The following ACTR10 variants were observed in gnomAD, a reference collection of about 807,000 sequenced individuals.
ACTR10 encodes actin related protein 10.
In ACTR10, 43 loss-of-function variants were observed where a neutral mutation model predicts 56.2. The ratio of observed to expected loss-of-function variants is 0.77; its 90% CI spans 0.60 to 0.99. The LOEUF is 0.99. Ranked by LOEUF, ACTR10 falls within the 50% of genes least tolerant of loss-of-function variation. The pLI, the probability that ACTR10 is intolerant of heterozygous loss-of-function variation, is 0.00. For missense variants in ACTR10, 466 were observed against 507.8 expected, an observed-to-expected ratio of 0.92 and a Z score of 0.79; for synonymous variants, 170 against 176.3, an observed-to-expected ratio of 0.96 and a Z score of 0.28.
intron 8 of ACTR10, among the ~76,000 whole-genome samples, chr14:58,220,676 G>T (rs1357817430): frequency 6.6e-6 from 1 of 152,096 alleles, no homozygotes; most frequent in Admixed American, 6.6e-5. Context: ...TCTTCCATTA[G>T]TCAGGGAGAC....
At chr14:58,232,408 T>TTC (rs1555350974) in intron 12 of ACTR10, 141 bp downstream of exon 12, 1 of 311,624 alleles carries the variant, frequency 3.2e-6, no homozygotes, top group Non-Finnish European at 5.3e-6. Context: ...CTTTTTCTTT[T>TTC]TTTTTTTTTT....
intron 5 of ACTR10, 161 bp from the exon 6 acceptor site, chr14:58,213,469 GA>G (rs924362484): frequency 6.0e-4 from 281 of 468,690 alleles, no homozygotes; most frequent in Admixed American, 1.6e-3. Context: ...TGAAGAACAT[GA>G]AAAAAAACTT....
At chr14:58,205,886 G>A (rs900770144) in intron 2 of ACTR10, among the ~76,000 whole-genome samples, 2 of 151,922 alleles carry the variant, frequency 1.3e-5, no homozygotes, top group Non-Finnish European at 2.9e-5. Context: ...GCCAGGTGTA[G>A]TGGCAGGCAC....
intron 4 of ACTR10, among the ~76,000 whole-genome samples, chr14:58,210,446 T>C (rs2140047287): frequency 6.6e-6 from 1 of 152,202 alleles, no homozygotes; most frequent in East Asian, 1.9e-4. Context: ...CAGTGAGCTG[T>C]GATTGCACCA....
At chr14:58,214,377 A>G (rs1889078608) in intron 6 of ACTR10, among the ~76,000 whole-genome samples, 1 of 151,580 alleles carries the variant, frequency 6.6e-6, no homozygotes, top group African/African-American at 2.4e-5. Context: ...ATAGTATTCC[A>G]TTGTGTATAT....
intron 8 of ACTR10, among the ~76,000 whole-genome samples, chr14:58,222,751 T>G (rs1594811564): frequency 2.7e-5 from 3 of 112,668 alleles, no homozygotes; most frequent in African/African-American, 7.2e-5. Flanking sequence ...GGCAATAGAG[T>G]GAGACTCTGT....
At chr14:58,203,405 T>C (rs1187932588) in intron 2 of ACTR10, among the ~76,000 whole-genome samples, 4 of 151,700 alleles carry the variant, frequency 2.6e-5, no homozygotes, top group Admixed American at 2.0e-4. Context: ...TTTATCAAGG[T>C]CTAATTTTGC....
intron 2 of ACTR10, among the ~76,000 whole-genome samples, chr14:58,206,252 T>G (rs1888860323): frequency 6.6e-6 from 1 of 151,222 alleles, no homozygotes; most frequent in African/African-American, 2.4e-5. Context: ...CTCTGCTCAC[T>G]GCCACCTCCT....
chr14:58,219,490 A>G (rs1220969954), intron 7 of ACTR10: 1 of 389,578 alleles, frequency 2.6e-6, no homozygotes, highest in East Asian at 4.4e-5. Flanking sequence ...TTTTGCTTCA[A>G]TTTCCATGGT....
Position 58,202,478 on chromosome 14 carries a change from G to A in ACTR10, c.78-377G>A, listed in dbSNP as rs190939199. Among the ~76,000 whole-genome samples the A allele has an allele frequency of 1.1e-4, 17 of 151,856 alleles. No individual in the cohort carries two copies. In the East Asian group the frequency reaches 3.3e-3, roughly 29 times the overall value. Reference sequence around the variant, plus strand: ...CGGCACCTGTAGTCCCAGCTACTCAGGAGCCTGAGGCAGGAGAATGGCGTG... The same window carrying A: ...CGGCACCTGTAGTCCCAGCTACTCAAGAGCCTGAGGCAGGAGAATGGCGTG... On this transcript the variant is annotated intron_variant, in intron 1 of 12. Coordinates refer to ENST00000254286, the MANE Select transcript of ACTR10 (RefSeq NM_018477.3).
chr14:58,218,497 G>T (rs973935339), intron 7 of ACTR10, among the ~76,000 whole-genome samples: 1 of 151,604 alleles, frequency 6.6e-6, no homozygotes. Context: ...AGATAATAAA[G>T]GTAAAATAAT....
intron 11 of ACTR10, among the ~76,000 whole-genome samples, chr14:58,230,854 G>A (rs1255991823): frequency 2.0e-5 from 3 of 151,526 alleles, no homozygotes; most frequent in East Asian, 3.9e-4. Context: ...TCTGCCTCCC[G>A]GGTTCAAGTG....
chr14:58,205,595 G>A (rs1265303438), intron 2 of ACTR10, among the ~76,000 whole-genome samples: 1 of 152,142 alleles, frequency 6.6e-6, no homozygotes, highest in Non-Finnish European at 1.5e-5. Flanking sequence ...GGTTACAGGT[G>A]TGAGCCACTG....
chr14:58,234,670 G>A lies in ACTR10; in HGVS notation c.*119G>A. 1 of 885,292 alleles carries A rather than the reference G, an allele frequency of 1.1e-6. No individual in the cohort carries two copies. The highest frequency in any genetic ancestry group is 1.6e-6 in the Non-Finnish European group (1 of 616,640). The allele number at this position is 885,292 out of a possible 1,614,324, so 54.8% of individuals were successfully genotyped here. On this transcript the variant is annotated 3_prime_UTR_variant, in exon 13 of 13. Transcript: ENST00000254286. ...ACTATAGTGGAAGTGAAAGCATTCT[G>A]TGTTTACTCTTTGCATTAATATATA...
chr14:58,206,258 C>T (rs1888860518), intron 2 of ACTR10, among the ~76,000 whole-genome samples: 1 of 151,798 alleles, frequency 6.6e-6, no homozygotes, highest in Non-Finnish European at 1.5e-5. Context: ...TCACTGCCAC[C>T]TCCTCCTCTC....
At chr14:58,219,284 A>G (rs1889211356) in intron 7 of ACTR10, among the ~76,000 whole-genome samples, 1 of 152,192 alleles carries the variant, frequency 6.6e-6, no homozygotes, top group African/African-American at 2.4e-5. Flanking sequence ...TGAACTTTGA[A>G]TGAGCCTCTT....
At position 58,207,482 on chromosome 14, in the gene ACTR10, G is replaced by A. The variant is rs548456693; in HGVS notation, c.151-454G>A. On this transcript the variant is annotated intron_variant, in intron 2 of 12. Coordinates refer to ENST00000254286, the MANE Select transcript of ACTR10 (RefSeq NM_018477.3). ...TGGGACTATAGGCACACACCACCACGCCTGGCTAATTTTTGTATTTTAAGT... is the reference window on the plus strand; with the variant it reads ...TGGGACTATAGGCACACACCACCACACCTGGCTAATTTTTGTATTTTAAGT... Among the ~76,000 whole-genome samples the A allele has an allele frequency of 3.3e-5, 5 of 151,744 alleles. No individual in the cohort carries two copies. The South Asian group carries it at 6.2e-4, about 19-fold the overall frequency.
intron 7 of ACTR10, among the ~76,000 whole-genome samples, chr14:58,218,717 T>C (rs1034225950): frequency 6.6e-6 from 1 of 152,182 alleles, no homozygotes; most frequent in Non-Finnish European, 1.5e-5. Context: ...GCTTATTAAA[T>C]AATGATTTAT....
chr14:58,218,684 A>G (rs535590591), intron 7 of ACTR10, among the ~76,000 whole-genome samples: 29 of 152,168 alleles, frequency 1.9e-4, no homozygotes, highest in Middle Eastern at 3.4e-3. Context: ...ATGTAGATCC[A>G]GGTGGAAGAA....
Sources: allele counts gnomAD v4.1 joint callset (sites outside exome capture counted in the v4.1 genomes callset), GRCh38; gene constraint gnomAD v4.1.1; transcripts MANE v1.5; gene names NCBI Gene and HGNC (gene_info 2026-07-23, HGNC 2026-07-21).